MORC1: variants seen among roughly 807,000 people sequenced by gnomAD.
MORC1 encodes MORC family CW-type zinc finger protein 1.
Under a neutral mutation model 134.9 loss-of-function variants are expected in MORC1, and 59 were observed. That is an observed-to-expected ratio of 0.44 (90% CI 0.35 to 0.54). The LOEUF (loss-of-function observed/expected upper bound fraction) is 0.54. MORC1 is among the 20% of genes least tolerant of loss of function. The pLI is 0.00. For synonymous variants in MORC1, 395 were observed against 391.7 expected (o/e 1.01, Z -0.10); for missense variants, 947 against 1,134.5 (o/e 0.83, Z 2.37).
chr3:109,074,113 C>G (rs1013271919), intron 8 of MORC1, among the ~76,000 whole-genome samples: 2 of 152,124 alleles, frequency 1.3e-5, no homozygotes, highest in Non-Finnish European at 2.9e-5. Flanking sequence ...CAACGTGGCA[C>G]CTAATTTTAA....
At chr3:109,039,507 A>G (rs1179609375) in intron 14 of MORC1, among the ~76,000 whole-genome samples, 1 of 152,220 alleles carries the variant, frequency 6.6e-6, no homozygotes, top group Non-Finnish European at 1.5e-5. Context: ...ACCTAGACAA[A>G]AACTGCACTG....
chr3:109,111,058 A>C (rs1951157552), intron 2 of MORC1, among the ~76,000 whole-genome samples: 1 of 151,024 alleles, frequency 6.6e-6, no homozygotes, highest in Non-Finnish European at 1.5e-5. Context: ...TTTAAAAAAA[A>C]AAAAAAAAAA....
intron 24 of MORC1, among the ~76,000 whole-genome samples, chr3:108,973,932 T>C (rs1203062958): frequency 1.3e-5 from 2 of 152,166 alleles, no homozygotes; most frequent in Non-Finnish European, 2.9e-5. Flanking sequence ...AGAATTGTGC[T>C]AAGCACTGCT....
intron 21 of MORC1, among the ~76,000 whole-genome samples, chr3:108,992,361 A>G (rs1299826253): frequency 6.6e-6 from 1 of 151,630 alleles, no homozygotes; most frequent in Non-Finnish European, 1.5e-5. Context: ...TATACATCCT[A>G]CTCTTTCCAA....
At chr3:109,052,510 T>C (rs1311170660) in intron 14 of MORC1, among the ~76,000 whole-genome samples, 1 of 152,196 alleles carries the variant, frequency 6.6e-6, no homozygotes, top group Non-Finnish European at 1.5e-5. Flanking sequence ...TTTTAGACCA[T>C]GACATGAAAA....
intron 17 of MORC1, among the ~76,000 whole-genome samples, chr3:109,018,194 C>T (rs2107571434): frequency 6.6e-6 from 1 of 152,148 alleles, no homozygotes; most frequent in African/African-American, 2.4e-5. Flanking sequence ...TTCTAATTTT[C>T]TATCAATTCT....
chr3:109,093,995 T>C (rs909600586), intron 7 of MORC1, among the ~76,000 whole-genome samples: 2 of 152,202 alleles, frequency 1.3e-5, no homozygotes, highest in African/African-American at 4.8e-5. Flanking sequence ...GGTAAATTTT[T>C]TCCATAAAGG....
Position 109,056,545 on chromosome 3 carries a change from G to A in MORC1, c.1175+798C>T, listed in dbSNP as rs149514565. ...CCCAGCCATAATCTAGGTTTTATAAGATCATTCTTGTTATTTTCATACAAT... is the reference window on the plus strand; with the variant it reads ...CCCAGCCATAATCTAGGTTTTATAAAATCATTCTTGTTATTTTCATACAAT... On this transcript the variant is annotated intron_variant, in intron 13 of 27. Coordinates refer to ENST00000232603, the MANE Select transcript of MORC1 (RefSeq NM_014429.4). Among the ~76,000 whole-genome samples, 782 of 152,252 alleles carry A rather than the reference G, an allele frequency of 5.1e-3. 18 individuals are homozygous for A. Among genetic ancestry groups the A allele is most frequent in the African/African-American group, 0.018 (747 of 41,556 alleles).
At chr3:109,059,706 A>G (rs890520376) in intron 12 of MORC1, 100 bp downstream of exon 12, 20 of 968,726 alleles carry the variant, frequency 2.1e-5, no homozygotes, top group Middle Eastern at 6.3e-4. Context: ...AAGCTGAAAA[A>G]AAATTGTCAC....
At chr3:108,965,317 C>G (rs1205302326) in intron 26 of MORC1, among the ~76,000 whole-genome samples, 2 of 152,158 alleles carry the variant, frequency 1.3e-5, no homozygotes, top group Admixed American at 6.5e-5. Context: ...AATAGTATTG[C>G]TAATCAGCCA....
chr3:109,088,202 A>G (rs900522508), intron 8 of MORC1, among the ~76,000 whole-genome samples: 1 of 152,190 alleles, frequency 6.6e-6, no homozygotes, highest in African/African-American at 2.4e-5. Flanking sequence ...AAGCTATTAC[A>G]ACAAAAGCAA....
Position 109,005,195 on chromosome 3 carries a change from AGTCT to A in MORC1, c.1884_1887del (p.Asp629LeufsTer3), listed in dbSNP as rs769266415. 3.1e-6 allele frequency: 5 copies of A among 1,613,908 alleles called. No individual in the cohort carries two copies. The Admixed American group carries it at 8.3e-5, about 27-fold the overall frequency. On this transcript the variant is annotated frameshift_variant, in exon 19 of 28. Coordinates refer to ENST00000232603, the MANE Select transcript of MORC1 (RefSeq NM_014429.4). LOFTEE classifies it high-confidence loss of function. ...GTTTCTGAAATATACTCTACATCAG[AGTCT>A]GTCTCTTCTATGTTTCTTTTCTGTC...
At position 109,078,286 on chromosome 3, in the gene MORC1, A is replaced by T. The variant is rs139628089; in HGVS notation, c.690-8529T>A. On this transcript the variant is annotated intron_variant, in intron 8 of 27. Transcript: ENST00000232603. ...TCACTTTTAAAAAAATGTTTAAGAC[A>T]TAAGCCCATAAGAAAATCTGAACAG... 9.2e-3 allele frequency among the ~76,000 whole-genome samples: 1,404 copies of T among 152,232 alleles called. 14 individuals are homozygous for T. Among genetic ancestry groups the T allele is most frequent in the Non-Finnish European group, 0.014 (927 of 67,934 alleles).
chr3:109,027,171 A>G (rs1291469318), intron 17 of MORC1, among the ~76,000 whole-genome samples: 3 of 152,224 alleles, frequency 2.0e-5, no homozygotes, highest in Non-Finnish European at 4.4e-5. Context: ...TGCTAAATCT[A>G]TAGAGGTTTA....
intron 8 of MORC1, among the ~76,000 whole-genome samples, chr3:109,081,433 C>T (rs1471787429): frequency 2.0e-5 from 3 of 150,132 alleles, no homozygotes; most frequent in Admixed American, 6.7e-5. Context: ...AAATTCTTAG[C>T]AGATGGTACA....
At chr3:109,050,171 T>C (rs7646484) in intron 14 of MORC1, among the ~76,000 whole-genome samples, 64,317 of 152,038 alleles carry the variant, frequency 0.42, 14,311 homozygotes, top group Middle Eastern at 0.55. Context: ...TGGCCACTGG[T>C]TTCTGCAGTT....
intron 27 of MORC1, among the ~76,000 whole-genome samples, chr3:108,961,033 G>A (rs903833358): frequency 6.6e-6 from 1 of 152,112 alleles, no homozygotes; most frequent in Admixed American, 6.6e-5. Context: ...ATAAACTGAG[G>A]TCTCCTTGAA....
intron 8 of MORC1, among the ~76,000 whole-genome samples, chr3:109,079,455 C>T (rs1576719649): frequency 6.6e-6 from 1 of 151,864 alleles, no homozygotes; most frequent in Admixed American, 6.6e-5. Context: ...CATTTCCTCA[C>T]ACAAAAAAAT....
At position 109,118,123 on chromosome 3, in the gene MORC1, G is replaced by A. The variant is rs1291840539; in HGVS notation, c.-64C>T. ...ACACCTGACCGGCAGCCGTTCGCCT[G>A]CGCCCGCGCCCACTCCCACGCCCAC... is the stretch of plus-strand genomic sequence containing the variant. On this transcript the variant is annotated 5_prime_UTR_variant, in exon 1 of 28. Transcript: ENST00000232603. The A allele has an allele frequency of 6.5e-6, 10 of 1,548,626 alleles. No homozygotes were observed. Among genetic ancestry groups the A allele is most frequent in the Non-Finnish European group, 8.8e-6 (10 of 1,140,806 alleles).
Sources: gnomAD v4.1 joint callset for allele counts (sites outside exome capture counted in the v4.1 genomes callset) on GRCh38, gnomAD v4.1.1 for gene constraint, MANE v1.5 for transcripts, NCBI Gene and HGNC (gene_info 2026-07-23, HGNC 2026-07-21) for gene names.